Variants in FABP4 observed in about 807,000 individuals in gnomAD.
FABP4 encodes fatty acid-binding protein, adipocyte.
A neutral mutation model predicts 14.6 loss-of-function variants in FABP4; 17 were observed. The ratio of observed to expected loss-of-function variants is 1.16; its 90% confidence interval spans 0.80 to 1.74. FABP4 has a LOEUF of 1.74. FABP4 is among the 40% of genes most tolerant of loss of function. The pLI is 0.00. For synonymous variants in FABP4, 54 were observed against 54.6 expected, an observed-to-expected ratio of 0.99 and a Z score of 0.05; for missense variants, 149 against 160.3, an observed-to-expected ratio of 0.93 and a Z score of 0.38.
intron 1 of FABP4, 46 bp from the exon 2 acceptor site, chr8:81,480,644 C>CAA: frequency 6.5e-7 from 1 of 1,542,986 alleles, no homozygotes; most frequent in Admixed American, 1.8e-5. Flanking sequence ...TTTTCTCTCA[C>CAA]GTACTTATCC....
chr8:81,479,001 A>G, intron 3 of FABP4, 86 bp from the exon 4 acceptor site: 1 of 1,134,872 alleles, frequency 8.8e-7, no homozygotes, highest in African/African-American at 1.5e-5. Flanking sequence ...GAATAAAACA[A>G]TATTCATTCC....
intron 2 of FABP4, 72 bp downstream of exon 2, chr8:81,480,354 T>C (rs759508751): frequency 9.4e-5 from 132 of 1,409,742 alleles, no homozygotes; most frequent in Non-Finnish European, 1.2e-4. Flanking sequence ...CCTTTTATCA[T>C]AAAATGATTT....
In FABP4 at chr8:81,478,764, T is replaced by C; in HGVS notation, c.*101A>G. 1.4e-5 allele frequency: 16 copies of C among 1,113,822 alleles called. No homozygotes were observed. Among genetic ancestry groups the C allele is most frequent in the Non-Finnish European group, 2.1e-5 (16 of 775,632 alleles). 69.0% of individuals were successfully genotyped at this position (1,113,822 alleles called of 1,614,324 possible). A position where few individuals can be genotyped will look rare whatever the true frequency, so the allele number is the denominator to read the frequency against. Reference sequence around the variant, plus strand: ...ATCAGCTTGGGAGAAAATTAGTTGCTTGCTAAATCATGGAAAACAACAATA... The same window carrying C: ...ATCAGCTTGGGAGAAAATTAGTTGCCTGCTAAATCATGGAAAACAACAATA... On this transcript the variant is annotated 3_prime_UTR_variant, in exon 4 of 4. Transcript: ENST00000256104.
intron 2 of FABP4, chr8:81,479,751 T>C (rs1401755193): frequency 8.8e-6 from 3 of 339,756 alleles, no homozygotes; most frequent in African/African-American, 2.1e-5. Flanking sequence ...TGAAGGAATA[T>C]GAAAAAGAAA....
At chr8:81,482,296 C>T (rs1430385690) in intron 1 of FABP4, among the ~76,000 whole-genome samples, 1 of 152,150 alleles carries the variant, frequency 6.6e-6, no homozygotes, top group Non-Finnish European at 1.5e-5. Context: ...GACTGTCATG[C>T]ATGGGGTTGA....
chr8:81,479,405 G>A lies in FABP4; in HGVS notation c.348+9C>T. On this transcript the variant is annotated intron_variant, in intron 3 of 3. Coordinates refer to ENST00000256104, the MANE Select transcript of FABP4 (RefSeq NM_001442.3). ...AAGATCCAGAATTAAGTAGCTAGAA[G>A]ATACTCACCACCACCAGTTTATCAT... 2 of 1,604,012 alleles carry A rather than the reference G, an allele frequency of 1.2e-6. No individual in the cohort carries two copies. Among genetic ancestry groups the A allele is most frequent in the South Asian group, 1.1e-5 (1 of 90,800 alleles).
chr8:81,478,918 A>G lies in FABP4; in HGVS notation c.349-3T>C. ...GTGACGCCTTTCATGACGCATTCCT[A>G]GACACAAAAAACAATTCTTGGTCAA... On this transcript the variant is annotated splice_polypyrimidine_tract_variant and splice_region_variant and intron_variant, in intron 3 of 3. Coordinates refer to ENST00000256104, the MANE Select transcript of FABP4 (RefSeq NM_001442.3). 1 of 1,612,588 alleles carries G rather than the reference A, an allele frequency of 6.2e-7. No homozygotes were observed. The highest frequency in any genetic ancestry group is 8.5e-7 in the Non-Finnish European group (1 of 1,179,090).
At chr8:81,480,768 T>TAAAA (rs74275141) in intron 1 of FABP4, among the ~76,000 whole-genome samples, 170 bp from the exon 2 acceptor site, 2 of 130,300 alleles carry the variant, frequency 1.5e-5, no homozygotes, top group South Asian at 5.0e-4. Context: ...GGCCAATACT[T>TAAAA]AAAAAAAAAA....
chr8:81,479,147 A>G (rs1808021852), intron 3 of FABP4, among the ~76,000 whole-genome samples: 1 of 152,160 alleles, frequency 6.6e-6, no homozygotes. Context: ...AAACATAAGC[A>G]GAGATAGGTA....
At chr8:81,481,274 T>A (rs1808075723) in intron 1 of FABP4, among the ~76,000 whole-genome samples, 1 of 152,176 alleles carries the variant, frequency 6.6e-6, no homozygotes, top group African/African-American at 2.4e-5. Context: ...GTGATATCAT[T>A]GCTAATAATT....
rs1808013687 is a variant in FABP4, at chr8:81,478,841, C to T, written c.*24G>A. On this transcript the variant is annotated 3_prime_UTR_variant, in exon 4 of 4. Transcript: ENST00000256104. ...ATGTTGTAGAGTTCAATGCGAACTT[C>T]AGTCCAGGTCAACGTCCCTTGGCTT... 1 of 1,606,980 alleles carries T rather than the reference C, an allele frequency of 6.2e-7. No homozygotes were observed. The highest frequency in any genetic ancestry group is 1.1e-5 in the South Asian group (1 of 90,364).
intron 1 of FABP4, among the ~76,000 whole-genome samples, 180 bp from the exon 2 acceptor site, chr8:81,480,778 A>G (rs567997557): frequency 3.9e-5 from 6 of 151,950 alleles, no homozygotes; most frequent in Admixed American, 2.6e-4. Flanking sequence ...TAAAAAAAAA[A>G]AAAAAAGAAA....
In FABP4 at chr8:81,479,432, C is replaced by T. The variant is rs754099349; in HGVS notation, c.330G>A (p.Glu110=). 1.9e-6 allele frequency: 3 copies of T among 1,613,100 alleles called. No homozygotes were observed. The highest frequency in any genetic ancestry group is 2.5e-6 in the Non-Finnish European group (3 of 1,179,296). Residue 110 remains glutamate, a synonymous_variant, in exon 3 of 4, where the codon GAG becomes GAA. Coordinates refer to ENST00000256104, the MANE Select transcript of FABP4 (RefSeq NM_001442.3). ...TACTCACCACCACCAGTTTATCATC[C>T]TCTCGTTTTCTCTTTATGGTGGTTG... is the stretch of plus-strand genomic sequence containing the variant. The part of the protein sequence containing the change: ...GKSTTIKRKR[E]DDKLVVECVM...
chr8:81,478,809 C>T lies in FABP4; in HGVS notation c.*56G>A. The T allele has an allele frequency of 1.4e-6, 2 of 1,432,098 alleles. No homozygotes were observed. The highest frequency in any genetic ancestry group is 1.8e-4 in the Middle Eastern group (1 of 5,582). The allele number at this position is 1,432,098 out of a possible 1,614,324, so 88.7% of individuals were successfully genotyped here. A position where few individuals can be genotyped will look rare whatever the true frequency, so the allele number is the denominator to read the frequency against. Reference sequence around the variant, plus strand: ...ACAATATCTTTTTGAACAATATATCCCACAGAATGTTGTAGAGTTCAATGC... The same window carrying T: ...ACAATATCTTTTTGAACAATATATCTCACAGAATGTTGTAGAGTTCAATGC... On this transcript the variant is annotated 3_prime_UTR_variant, in exon 4 of 4. Coordinates refer to ENST00000256104, the MANE Select transcript of FABP4 (RefSeq NM_001442.3).
At chr8:81,482,314 A>G (rs1808092446) in intron 1 of FABP4, among the ~76,000 whole-genome samples, 1 of 152,140 alleles carries the variant, frequency 6.6e-6, no homozygotes, top group Non-Finnish European at 1.5e-5. Context: ...TGAGGGAGAA[A>G]GGTTTTCAAA....
chr8:81,478,854 C>A lies in FABP4; in HGVS notation c.*11G>T. The A allele has an allele frequency of 6.2e-7, 1 of 1,611,588 alleles. No individual in the cohort carries two copies. On this transcript the variant is annotated 3_prime_UTR_variant, in exon 4 of 4. Transcript: ENST00000256104. ...CAATGCGAACTTCAGTCCAGGTCAA[C>A]GTCCCTTGGCTTATGCTCTCTCATA...
At chr8:81,479,363 T>G in intron 3 of FABP4, 51 bp downstream of exon 3, 368 of 1,364,022 alleles carry the variant, frequency 2.7e-4, no homozygotes, top group Non-Finnish European at 3.5e-4. Context: ...ATAGTGATCA[T>G]GAGATAACCT....
intron 1 of FABP4, among the ~76,000 whole-genome samples, chr8:81,482,881 T>G (rs1808101433): frequency 6.6e-6 from 1 of 152,176 alleles, no homozygotes; most frequent in South Asian, 2.1e-4. Flanking sequence ...CTTTTTATAT[T>G]GGTACACCTT....
chr8:81,479,970 G>T (rs1808046558), intron 2 of FABP4: 1 of 160,764 alleles, frequency 6.2e-6, no homozygotes, highest in Non-Finnish European at 1.3e-5. Context: ...CATTTAGGGA[G>T]GCCAAGGCAG....
Sources: allele counts gnomAD v4.1 joint callset (sites outside exome capture counted in the v4.1 genomes callset), GRCh38; gene constraint gnomAD v4.1.1; transcripts MANE v1.5; gene names NCBI Gene and HGNC (gene_info 2026-07-23, HGNC 2026-07-21).